The following BLTP1 variants were observed in gnomAD, a reference collection of about 807,000 sequenced individuals.
BLTP1 encodes bridge-like lipid transfer protein family member 1, also known as fragile site-associated protein.
the BLTP1 span, chr4:122,301,250 A>C: frequency 1.4e-6 from 2 of 1,472,480 alleles, no homozygotes; most frequent in South Asian, 2.8e-5. Flanking sequence ...CAAAATAGTT[A>C]TTTTTTTTCT....
At chr4:122,243,567 C>A in the BLTP1 span, 1 of 406,600 alleles carries the variant, frequency 2.5e-6, no homozygotes, top group African/African-American at 2.2e-5. Context: ...ATGGCAAAAC[C>A]CCATCTCTAC....
the BLTP1 span, among the ~76,000 whole-genome samples, chr4:122,342,003 AGAAAGGTTTAGAGAGATAG>A: frequency 6.6e-6 from 1 of 152,226 alleles, no homozygotes; most frequent in African/African-American, 2.4e-5. Flanking sequence ...GACTGGCATA[AGAAAGGTTTAGAGAGATAG>A]GAAAGAGCCA....
chr4:122,298,762 G>A, the BLTP1 span: 16 of 627,776 alleles, frequency 2.5e-5, no homozygotes, highest in South Asian at 6.4e-4. Context: ...GGAATGATTC[G>A]AACTGATACT....
chr4:122,167,514 C>A, the BLTP1 span: 2 of 208,040 alleles, frequency 9.6e-6, no homozygotes, highest in Non-Finnish European at 8.4e-6. Flanking sequence ...GGCTCTCATT[C>A]CTCTCAGTCT....
At chr4:122,353,903 G>A in the BLTP1 span, 1 of 1,613,920 alleles carries the variant, frequency 6.2e-7, no homozygotes, top group East Asian at 2.2e-5. This position sits in a 1 kb window ranked among gnomAD's most constrained non-coding sequence, Gnocchi z 4.3. Context: ...TGGTGCTTTG[G>A]AAAGTCCTAT....
the BLTP1 span, chr4:122,307,928 C>T: frequency 1.2e-6 from 2 of 1,607,586 alleles, no homozygotes; most frequent in Non-Finnish European, 8.5e-7. Flanking sequence ...TTTCTTTCTG[C>T]CCTGTCTTAA....
chr4:122,317,168 C>G, the BLTP1 span, among the ~76,000 whole-genome samples: 1 of 151,932 alleles, frequency 6.6e-6, no homozygotes, highest in South Asian at 2.1e-4. Flanking sequence ...CCTGTCTCTA[C>G]TAAAAATACA....
the BLTP1 span, chr4:122,237,376 A>G: frequency 1.7e-5 from 17 of 984,786 alleles, no homozygotes; most frequent in Non-Finnish European, 1.8e-5. Context: ...TAAAGTCGTT[A>G]TTTGTTCATT....
chr4:122,294,566 C>T, the BLTP1 span, among the ~76,000 whole-genome samples: 1 of 152,142 alleles, frequency 6.6e-6, no homozygotes, highest in African/African-American at 2.4e-5. Flanking sequence ...AAACAGAAAA[C>T]AGCAACATCA....
chr4:122,314,044 C>T, the BLTP1 span: 1 of 962,226 alleles, frequency 1.0e-6, no homozygotes. Context: ...ATTCCGGTTG[C>T]TATTGAAATG....
chr4:122,182,682 C>A, the BLTP1 span: 1 of 985,178 alleles, frequency 1.0e-6, no homozygotes, highest in Non-Finnish European at 1.2e-6. Context: ...CCTGTTGGGA[C>A]CATACGAAAT....
the BLTP1 span, chr4:122,347,754 A>T: frequency 6.2e-7 from 1 of 1,613,660 alleles, no homozygotes; most frequent in Non-Finnish European, 8.5e-7. Flanking sequence ...CAAGGAGTGT[A>T]TCTGATTCTT....
the BLTP1 span, among the ~76,000 whole-genome samples, chr4:122,273,815 A>G: frequency 1.3e-5 from 2 of 152,090 alleles, no homozygotes; most frequent in South Asian, 2.1e-4. Context: ...CCAGTTTACA[A>G]TTTACCCATT....
the BLTP1 span, among the ~76,000 whole-genome samples, chr4:122,357,277 T>C: frequency 6.6e-6 from 1 of 152,088 alleles, no homozygotes; most frequent in Admixed American, 6.5e-5. Context: ...AAGAAATGTA[T>C]GGTGGCTGGG....
chr4:122,207,226 C>A, the BLTP1 span: 1 of 1,611,638 alleles, frequency 6.2e-7, no homozygotes, highest in Non-Finnish European at 8.5e-7. Flanking sequence ...TGCTAATCAA[C>A]ACAATTGGAT....
the BLTP1 span, chr4:122,244,478 T>A: frequency 2.6e-5 from 5 of 193,810 alleles, no homozygotes; most frequent in Admixed American, 6.6e-5. Context: ...CCCACAGATA[T>A]GGAGAGCTGA....
At chr4:122,186,325 T>C in the BLTP1 span, 56 of 731,670 alleles carry the variant, frequency 7.7e-5, no homozygotes, top group Non-Finnish European at 1.0e-4. Context: ...TAATATTTCT[T>C]TGCAAATTAA....
the BLTP1 span, chr4:122,182,859 A>G: frequency 9.1e-6 from 9 of 984,884 alleles, no homozygotes; most frequent in Non-Finnish European, 9.6e-6. Context: ...GCTTAACACA[A>G]TGATTAATAA....
the BLTP1 span, chr4:122,262,032 T>A: frequency 3.0e-6 from 3 of 984,172 alleles, no homozygotes; most frequent in African/African-American, 5.2e-5. Context: ...AGATGTCTAT[T>A]CTGACTCCCG....
Sources: allele counts gnomAD v4.1 joint callset (sites outside exome capture counted in the v4.1 genomes callset), GRCh38; gene constraint gnomAD v4.1.1; non-coding constraint Gnocchi (gnomAD v3.1); transcripts MANE v1.5; gene names NCBI Gene and HGNC (gene_info 2026-07-23, HGNC 2026-07-21).